The following RALB variants were observed in gnomAD, a reference collection of about 807,000 sequenced individuals.
The protein encoded by RALB is ras-related protein Ral-B.
A neutral mutation model predicts 21.3 loss-of-function variants in RALB; 16 were observed. That is an observed-to-expected ratio of 0.75 (90% CI 0.51 to 1.14). The LOEUF is 1.14. Among genes scored for constraint, RALB ranks in the 50% most tolerant of loss-of-function variants. The probability of loss-of-function intolerance (pLI) is 0.00; values close to 1 mark genes in which losing one functional copy is unlikely to be tolerated. For synonymous variants in RALB, 93 were observed against 96.1 expected (o/e 0.97, Z 0.19); for missense variants, 161 against 256.2 (o/e 0.63, Z 2.54).
intron 1 of RALB, among the ~76,000 whole-genome samples, chr2:120,267,220 G>A (rs553242300): frequency 1.3e-5 from 2 of 152,168 alleles, no homozygotes; most frequent in East Asian, 1.9e-4. Flanking sequence ...TGGAGGGGGC[G>A]CGTGGGAAGG....
chr2:120,264,864 T>C (rs572454949), intron 1 of RALB, among the ~76,000 whole-genome samples: 3 of 152,198 alleles, frequency 2.0e-5, no homozygotes, highest in Non-Finnish European at 2.9e-5. Flanking sequence ...GTATTTGTGC[T>C]TTTGTGTCTT....
intron 2 of RALB, among the ~76,000 whole-genome samples, chr2:120,282,997 T>A (rs992069880): frequency 1.1e-4 from 17 of 152,100 alleles, no homozygotes; most frequent in Non-Finnish European, 2.2e-4. Context: ...CCTAGCTGAT[T>A]ATAGAATTTC....
upstream of RALB, among the ~76,000 whole-genome samples, chr2:120,252,469 T>C (rs1689074809): frequency 6.6e-6 from 1 of 152,262 alleles, no homozygotes; most frequent in Admixed American, 6.5e-5. Flanking sequence ...AGGTCTGTCC[T>C]TCGCTTTTGC....
intron 1 of RALB, 95 bp from the exon 2 acceptor site, chr2:120,278,523 G>A: frequency 8.5e-7 from 1 of 1,170,602 alleles, no homozygotes; most frequent in Non-Finnish European, 1.1e-6. Flanking sequence ...GGAATGTCTG[G>A]GTTAGTTAGG....
At chr2:120,267,319 A>C (rs546164464) in intron 1 of RALB, among the ~76,000 whole-genome samples, 1 of 152,242 alleles carries the variant, frequency 6.6e-6, no homozygotes. Context: ...GTTGTTTTGC[A>C]TATCTAATGT....
chr2:120,244,644 T>C (rs1407490488), intron 1 of RALB, among the ~76,000 whole-genome samples: 2 of 150,572 alleles, frequency 1.3e-5, no homozygotes, highest in African/African-American at 5.0e-5. Flanking sequence ...ATCCATCCAT[T>C]TATCTGTCCA....
exon 1 of RALB, chr2:120,240,115 G>C: frequency 7.8e-7 from 1 of 1,289,704 alleles, no homozygotes; most frequent in Non-Finnish European, 1.0e-6. Flanking sequence ...GCATGAAACA[G>C]CGGCAGTCAG....
At chr2:120,278,529 T>C (rs1689903732) in intron 1 of RALB, 89 bp from the exon 2 acceptor site, 3 of 1,222,658 alleles carry the variant, frequency 2.5e-6, no homozygotes, top group Non-Finnish European at 3.2e-6. Flanking sequence ...TCTGGGTTAG[T>C]TAGGCTTTAA....
At position 120,242,935 on chromosome 2, in the gene RALB, A is replaced by T. The variant is rs1433179055; in HGVS notation, c.19+2810A>T. On this transcript the variant is annotated intron_variant, in intron 1 of 3. Coordinates refer to the RALB transcript ENST00000447591. Reference sequence around the variant, plus strand: ...CTGTTTTTTTAAAAAGTAAATAAAAAAATAAACAAAATGGACGCGGACTAA... The same window carrying T: ...CTGTTTTTTTAAAAAGTAAATAAAATAATAAACAAAATGGACGCGGACTAA... 5.9e-5 allele frequency among the ~76,000 whole-genome samples: 9 copies of T among 152,324 alleles called. No individual in the cohort carries two copies. In the East Asian group the frequency reaches 1.7e-3, roughly 29 times the overall value.
intron 2 of RALB, 64 bp downstream of exon 2, chr2:120,278,842 G>A (rs571301380): frequency 7.9e-6 from 11 of 1,387,518 alleles, no homozygotes; most frequent in African/African-American, 4.4e-5. Context: ...CCCTGCTCCC[G>A]CTGTTTCTGT....
At position 120,241,910 on chromosome 2, in the gene RALB, T is replaced by C. The variant is rs1464052368; in HGVS notation, c.19+1785T>C. 1.3e-5 allele frequency among the ~76,000 whole-genome samples: 2 copies of C among 152,322 alleles called. 1 individual carries two copies. Among genetic ancestry groups the C allele is most frequent in the Admixed American group, 1.3e-4 (2 of 15,296 alleles). On this transcript the variant is annotated intron_variant, in intron 1 of 3. Coordinates refer to the RALB transcript ENST00000447591. ...TTAACATAAGATCTGGCAGTTCCAC[T>C]TCTGAGTGTATACCCGACAGAATTG...
intron 1 of RALB, among the ~76,000 whole-genome samples, chr2:120,261,846 T>G (rs72956875): frequency 0.017 from 2,628 of 152,100 alleles, 81 homozygotes; most frequent in African/African-American, 0.06. Flanking sequence ...GAATTGTGTG[T>G]GGGGGTGGTA....
intron 1 of RALB, among the ~76,000 whole-genome samples, chr2:120,269,262 C>T (rs1277207466): frequency 2.0e-5 from 3 of 152,136 alleles, no homozygotes; most frequent in Non-Finnish European, 4.4e-5. Context: ...CCGGTGGGTT[C>T]ATGGTCTCAC....
At chr2:120,284,577 T>G (rs1259976671) in intron 2 of RALB, among the ~76,000 whole-genome samples, 1 of 152,142 alleles carries the variant, frequency 6.6e-6, no homozygotes, top group African/African-American at 2.4e-5. Flanking sequence ...CTTTTGTATT[T>G]TTAGTAGAGA....
In RALB at chr2:120,289,765, T is replaced by C. The variant is rs758063994; in HGVS notation, c.501+8T>C. 6.3e-7 allele frequency: 1 copy of C among 1,591,156 alleles called. No individual in the cohort carries two copies. Among genetic ancestry groups the C allele is most frequent in the East Asian group, 2.3e-5 (1 of 44,166 alleles). The stretch of plus-strand genomic sequence containing the variant: ...CGGGCCAACGTGGACAAGGTAGGCG[T>C]GAATTCTGTGTATTTCTCAGAAACA... On this transcript the variant is annotated splice_region_variant and intron_variant, in intron 4 of 4. Coordinates refer to ENST00000272519, the MANE Select transcript of RALB (RefSeq NM_002881.3).
intron 1 of RALB, among the ~76,000 whole-genome samples, chr2:120,263,257 C>T (rs1230135435): frequency 1.3e-5 from 2 of 152,070 alleles, no homozygotes; most frequent in Non-Finnish European, 2.9e-5. Flanking sequence ...GAGCCTTGAC[C>T]TCCCTGGGCT....
At chr2:120,281,097 G>A (rs938154795) in intron 2 of RALB, among the ~76,000 whole-genome samples, 37 of 152,218 alleles carry the variant, frequency 2.4e-4, no homozygotes, top group African/African-American at 8.7e-4. Context: ...CCTCTGCTCA[G>A]AGTCCCACAA....
At position 120,252,990 on chromosome 2, in the gene RALB, C is replaced by T. The variant is rs1488769416; in HGVS notation, c.-48+10C>T. On this transcript the variant is annotated intron_variant, in intron 1 of 4. Transcript: ENST00000272519. ...GCGGGACTGGTCCCTGGTAAGGGCG[C>T]GGCGCCCGCGGGCCCCGGGCGGGGT... is the stretch of plus-strand genomic sequence containing the variant. 1 of 984,480 alleles carries T rather than the reference C, an allele frequency of 1.0e-6. No individual in the cohort carries two copies. Among genetic ancestry groups the T allele is most frequent in the African/African-American group, 1.8e-5 (1 of 57,056 alleles). The allele number at this position is 984,480 out of a possible 1,614,324, so 61.0% of individuals were successfully genotyped here. A position where few individuals can be genotyped will look rare whatever the true frequency, so the allele number is the denominator to read the frequency against.
At chr2:120,276,776 A>G (rs1241480913) in intron 1 of RALB, among the ~76,000 whole-genome samples, 1 of 152,092 alleles carries the variant, frequency 6.6e-6, no homozygotes, top group African/African-American at 2.4e-5. Context: ...TTTTCCATGT[A>G]TATCCTATTT....
Sources: gnomAD v4.1 joint callset for allele counts (sites outside exome capture counted in the v4.1 genomes callset) on GRCh38, gnomAD v4.1.1 for gene constraint, MANE v1.5 for transcripts, NCBI Gene and HGNC (gene_info 2026-07-23, HGNC 2026-07-21) for gene names.